The following IDE variants were observed in gnomAD, a reference collection of about 807,000 sequenced individuals.
IDE encodes the protein insulin degrading enzyme, also known as insulin-degrading enzyme.
A neutral mutation model predicts 133.2 loss-of-function variants in IDE; 58 were observed. The observed-to-expected ratio is 0.44, with a 90% CI of 0.35 to 0.54. The LOEUF (loss-of-function observed/expected upper bound fraction) is 0.54, where lower values mean the gene tolerates loss of function less well. IDE is among the 20% of genes least tolerant of loss of function. IDE has a pLI of 0.00. For synonymous variants in IDE, 396 were observed against 421.3 expected (o/e 0.94, Z 0.73); for missense variants, 981 against 1,234.0 (o/e 0.79, Z 3.07).
chr10:92,495,344 C>G (rs772717998), intron 11 of IDE, among the ~76,000 whole-genome samples: 2 of 151,942 alleles, frequency 1.3e-5, no homozygotes, highest in Non-Finnish European at 2.9e-5. Context: ...CCTCAGCCTC[C>G]TGAGTAGCTG....
intron 12 of IDE, among the ~76,000 whole-genome samples, chr10:92,489,738 T>G (rs1265913573): frequency 6.6e-6 from 1 of 152,216 alleles, no homozygotes; most frequent in Non-Finnish European, 1.5e-5. Flanking sequence ...ATCTGTGAAG[T>G]ACCAGTGATG....
At chr10:92,544,876 T>C (rs544060967) in intron 1 of IDE, among the ~76,000 whole-genome samples, 2 of 152,274 alleles carry the variant, frequency 1.3e-5, no homozygotes, top group Admixed American at 1.3e-4. Context: ...TGTACAGAAC[T>C]GACTCATGCA....
chr10:92,566,047 G>A (rs141728360), intron 1 of IDE, among the ~76,000 whole-genome samples: 25 of 151,718 alleles, frequency 1.6e-4, no homozygotes, highest in East Asian at 1.2e-3. Flanking sequence ...CATAATTACC[G>A]TGGCCATTAA....
chr10:92,507,479 T>G (rs549002626), intron 9 of IDE, 96 bp downstream of exon 9: 1 of 761,108 alleles, frequency 1.3e-6, no homozygotes, highest in Non-Finnish European at 2.3e-6. Context: ...AAAAAAACTT[T>G]AAAAGTTTAA....
At chr10:92,573,861 C>G in intron 1 of IDE, 61 bp downstream of exon 1, 1 of 1,196,534 alleles carries the variant, frequency 8.4e-7, no homozygotes, top group Non-Finnish European at 1.1e-6. Context: ...ACTTTGCAAC[C>G]CGAGCGCCAA....
At chr10:92,535,046 C>T (rs983532697) in intron 2 of IDE, among the ~76,000 whole-genome samples, 1 of 152,064 alleles carries the variant, frequency 6.6e-6, no homozygotes, top group Non-Finnish European at 1.5e-5. Context: ...CCCCACATGC[C>T]GGAGAGGAAG....
chr10:92,516,143 C>G (rs1848912335), intron 4 of IDE, among the ~76,000 whole-genome samples: 1 of 150,888 alleles, frequency 6.6e-6, no homozygotes, highest in South Asian at 2.1e-4. Flanking sequence ...CAAGATTGTG[C>G]CATTGCACTC....
At chr10:92,562,571 G>A (rs745441696) in intron 1 of IDE, among the ~76,000 whole-genome samples, 4 of 152,138 alleles carry the variant, frequency 2.6e-5, no homozygotes, top group African/African-American at 4.8e-5. Flanking sequence ...GTAGTCTGGA[G>A]TACAAACTTA....
chr10:92,499,209 A>C (rs575383589), intron 11 of IDE, among the ~76,000 whole-genome samples: 1 of 150,788 alleles, frequency 6.6e-6, no homozygotes. Context: ...TTTGAGATGG[A>C]GTTTTGCTCT....
At chr10:92,485,586 T>G (rs1846941317) in intron 13 of IDE, among the ~76,000 whole-genome samples, 1 of 152,160 alleles carries the variant, frequency 6.6e-6, no homozygotes, top group Non-Finnish European at 1.5e-5. Context: ...ACCTTGAAAC[T>G]CTGGGAAGAG....
rs112304057 is a variant in IDE at position 92,479,812 on chromosome 10, A to G, written c.1740-391T>C. On this transcript the variant is annotated intron_variant, in intron 14 of 24. Coordinates refer to ENST00000265986, the MANE Select transcript of IDE (RefSeq NM_004969.4). ...GCACGGCCGACAGAACAGATACAGCATTTGCATGTCTTCCCTCTCTCTCCA... is the reference window on the plus strand; with the variant it reads ...GCACGGCCGACAGAACAGATACAGCGTTTGCATGTCTTCCCTCTCTCTCCA... 1.3e-3 allele frequency: 209 copies of G among 157,234 alleles called. 1 individual carries two copies. Among genetic ancestry groups the G allele is most frequent in the Non-Finnish European group, 2.5e-3 (176 of 71,370 alleles). 9.7% of individuals were successfully genotyped at this position (157,234 alleles called of 1,614,324 possible).
chr10:92,459,285 C>T (rs1845225516), intron 22 of IDE, among the ~76,000 whole-genome samples: 1 of 152,092 alleles, frequency 6.6e-6, no homozygotes. Flanking sequence ...TTTTCCTTAC[C>T]CTCTCACTCA....
At chr10:92,514,768 C>T in intron 5 of IDE, 152 bp downstream of exon 5, 1 of 561,130 alleles carries the variant, frequency 1.8e-6, no homozygotes, top group Non-Finnish European at 3.0e-6. Context: ...CATAAAAATC[C>T]CCACCTATGT....
intron 12 of IDE, among the ~76,000 whole-genome samples, chr10:92,487,703 C>A (rs914871631): frequency 6.6e-6 from 1 of 152,184 alleles, no homozygotes; most frequent in Admixed American, 6.5e-5. Flanking sequence ...GACAATAGGT[C>A]ATTTATATAA....
intron 4 of IDE, among the ~76,000 whole-genome samples, chr10:92,524,751 C>T (rs566075703): frequency 1.4e-5 from 2 of 140,464 alleles, no homozygotes; most frequent in East Asian, 2.1e-4. Context: ...AGCAAAACCC[C>T]GTCTCTACTA....
In IDE at chr10:92,458,488, C is replaced by CTTT. The variant is rs1564588151; in HGVS notation, c.2824-2058_2824-2057insAAA. 7.9e-5 allele frequency among the ~76,000 whole-genome samples: 9 copies of CTTT among 114,370 alleles called. No homozygotes were observed. In the South Asian group the frequency reaches 9.3e-4, roughly 12 times the overall value. The allele number at this position is 114,370 out of a possible 152,430, so 75.0% of individuals were successfully genotyped here. ...TTAGGCCTGGTTATAAATACTCTCT[C>CTTT]TGTTTTTTTTTTTTTTTTTTTTTTT... On this transcript the variant is annotated intron_variant, in intron 22 of 24. Coordinates refer to ENST00000265986, the MANE Select transcript of IDE (RefSeq NM_004969.4).
At position 92,483,396 on chromosome 10, in the gene IDE, A is replaced by G. The variant is rs544069789; in HGVS notation, c.1657-59T>C. 260 of 890,478 alleles carry G rather than the reference A, an allele frequency of 2.9e-4. 3 individuals are homozygous for G. In the South Asian group the frequency reaches 3.2e-3, roughly 11 times the overall value. 55.2% of individuals were successfully genotyped at this position (890,478 alleles called of 1,614,324 possible). A position where few individuals can be genotyped will look rare whatever the true frequency, so the allele number is the denominator to read the frequency against. ...GAGGCGCATTCAGCAAAAATGTTCA[A>G]TCAAATCACTCTTCAAGAGGAGGAG... On this transcript the variant is annotated intron_variant, in intron 13 of 24. Coordinates refer to ENST00000265986, the MANE Select transcript of IDE (RefSeq NM_004969.4).
intron 4 of IDE, among the ~76,000 whole-genome samples, chr10:92,520,451 G>A (rs1286116884): frequency 2.6e-5 from 4 of 152,054 alleles, no homozygotes; most frequent in Non-Finnish European, 5.9e-5. Flanking sequence ...AGAAACCACA[G>A]GTTTCTCCAA....
At chr10:92,540,854 G>A (rs917292550) in intron 1 of IDE, among the ~76,000 whole-genome samples, 6 of 152,022 alleles carry the variant, frequency 3.9e-5, no homozygotes, top group East Asian at 1.9e-4. Context: ...TCCCTTATCT[G>A]GATTTTAATT....
Sources: allele counts gnomAD v4.1 joint callset (sites outside exome capture counted in the v4.1 genomes callset), GRCh38; gene constraint gnomAD v4.1.1; transcripts MANE v1.5; gene names NCBI Gene and HGNC (gene_info 2026-07-23, HGNC 2026-07-21).